Variants in ATXN1 observed in about 807,000 individuals in gnomAD.
ATXN1 encodes the protein ataxin-1.
ATXN1 carries 8 observed loss-of-function variants against 56.4 expected under a neutral mutation model. The ratio of observed to expected loss-of-function variants is 0.14; its 90% CI spans 0.08 to 0.26. The LOEUF (loss-of-function observed/expected upper bound fraction) is 0.26, where lower values mean the gene tolerates loss of function less well. ATXN1 is among the 10% of genes least tolerant of loss of function. The pLI is 1.00. For synonymous variants in ATXN1, 514 were observed against 494.6 expected, an observed-to-expected ratio of 1.04 and a Z score of -0.52; for missense variants, 987 against 1,106.5, an observed-to-expected ratio of 0.89 and a Z score of 1.53.
intron 6 of ATXN1, among the ~76,000 whole-genome samples, chr6:16,370,393 T>C (rs1196073782): frequency 3.9e-5 from 6 of 152,240 alleles, no homozygotes; most frequent in Non-Finnish European, 5.9e-5. Context: ...CTAAAATTGT[T>C]TGCAGTGTCG....
chr6:16,555,141 T>C (rs1479803764), intron 4 of ATXN1, among the ~76,000 whole-genome samples: 2 of 152,150 alleles, frequency 1.3e-5, no homozygotes, highest in Non-Finnish European at 2.9e-5. Flanking sequence ...TCCTGTTTAT[T>C]GTACATAATC....
chr6:16,398,253 C>G (rs533725269), intron 6 of ATXN1, among the ~76,000 whole-genome samples: 2 of 152,268 alleles, frequency 1.3e-5, no homozygotes, highest in East Asian at 3.9e-4. Context: ...GCTGCAACGT[C>G]TTAGATAAAT....
chr6:16,688,743 A>C (rs1027050597), intron 2 of ATXN1, among the ~76,000 whole-genome samples: 48 of 152,178 alleles, frequency 3.2e-4, no homozygotes, highest in Non-Finnish European at 8.8e-5. Context: ...ACTTATTTAC[A>C]ATTGGGGCTG....
In ATXN1 at chr6:16,313,232, T is replaced by C. The variant is rs530486875; in HGVS notation, c.1918-6373A>G. Among the ~76,000 whole-genome samples the C allele has an allele frequency of 1.9e-4, 29 of 152,280 alleles. 1 individual carries two copies. The highest frequency in any genetic ancestry group is 6.5e-4 in the African/African-American group (27 of 41,558). ...CATCATCTTCTCAATTTCTCTGGCT[T>C]TCCCAATAAACCTGCTTTTCCTCTC... On this transcript the variant is annotated intron_variant, in intron 7 of 7. Coordinates refer to ENST00000436367, the MANE Select transcript of ATXN1 (RefSeq NM_001128164.2).
intron 2 of ATXN1, among the ~76,000 whole-genome samples, chr6:16,675,558 G>A (rs1369531528): frequency 6.6e-6 from 1 of 152,096 alleles, no homozygotes; most frequent in Admixed American, 6.6e-5. Flanking sequence ...AGTTTTTTCA[G>A]GGAGAGGTGG....
chr6:16,653,792 T>G (rs2237165), intron 3 of ATXN1, among the ~76,000 whole-genome samples: 98,191 of 152,178 alleles, frequency 0.65, 33,398 homozygotes, highest in African/African-American at 0.88. Flanking sequence ...TGAAAAAGCT[T>G]GGCAACTGAA....
At chr6:16,517,769 C>T (rs559989442) in intron 5 of ATXN1, among the ~76,000 whole-genome samples, 1 of 152,170 alleles carries the variant, frequency 6.6e-6, no homozygotes, top group Non-Finnish European at 1.5e-5. Flanking sequence ...CACTCACCTA[C>T]ATGAGAGCAC....
At chr6:16,439,944 A>G (rs1168143959) in intron 6 of ATXN1, among the ~76,000 whole-genome samples, 2 of 151,678 alleles carry the variant, frequency 1.3e-5, no homozygotes, top group Non-Finnish European at 2.9e-5. Context: ...GTGTGATGGT[A>G]GGCACCTGTA....
chr6:16,745,005 C>T (rs1019946364), intron 2 of ATXN1, among the ~76,000 whole-genome samples: 2 of 152,172 alleles, frequency 1.3e-5, no homozygotes, highest in Non-Finnish European at 2.9e-5. Flanking sequence ...TCAAGACTTC[C>T]ATTTGCTAAT....
chr6:16,575,217 A>G (rs140739342), intron 4 of ATXN1, among the ~76,000 whole-genome samples: 339 of 150,732 alleles, frequency 2.2e-3, no homozygotes, highest in South Asian at 0.011. Flanking sequence ...AATTCTACGA[A>G]TTTCCTGTTT....
chr6:16,561,961 C>A (rs1486554025), intron 4 of ATXN1, among the ~76,000 whole-genome samples: 1 of 152,032 alleles, frequency 6.6e-6, no homozygotes, highest in African/African-American at 2.4e-5. Flanking sequence ...GTTATACACA[C>A]TTAGGCAGAA....
intron 4 of ATXN1, among the ~76,000 whole-genome samples, chr6:16,562,458 G>GAAAGGAAAGGAAAGGAA (rs1561756155): frequency 5.8e-5 from 3 of 51,800 alleles, no homozygotes; most frequent in Non-Finnish European, 1.7e-4. Context: ...AAGAAAAGGA[G>GAAAGGAAAGGAAAGGAA]AGGAGAGGAG....
chr6:16,564,265 G>A (rs1022891932), intron 4 of ATXN1, among the ~76,000 whole-genome samples: 3 of 152,026 alleles, frequency 2.0e-5, no homozygotes, highest in South Asian at 2.1e-4. Context: ...GAGTGAGATA[G>A]GTAAGAAGAG....
intron 6 of ATXN1, among the ~76,000 whole-genome samples, chr6:16,375,124 C>G (rs1284381010): frequency 6.6e-6 from 1 of 152,208 alleles, no homozygotes; most frequent in African/African-American, 2.4e-5. Flanking sequence ...TCTGCCCTCT[C>G]CCAGCAAAGA....
At chr6:16,460,399 G>C (rs1382553639) in intron 6 of ATXN1, among the ~76,000 whole-genome samples, 1 of 152,144 alleles carries the variant, frequency 6.6e-6, no homozygotes, top group African/African-American at 2.4e-5. Context: ...ACTGTTTACG[G>C]GTAGTTGTGG....
intron 6 of ATXN1, among the ~76,000 whole-genome samples, chr6:16,477,107 T>A (rs1266656989): frequency 6.6e-6 from 1 of 152,200 alleles, no homozygotes; most frequent in Non-Finnish European, 1.5e-5. Flanking sequence ...TCTCCCTTGT[T>A]CCCCATTTCC....
At chr6:16,609,831 T>C (rs1268738795) in intron 3 of ATXN1, among the ~76,000 whole-genome samples, 1 of 152,034 alleles carries the variant, frequency 6.6e-6, no homozygotes, top group African/African-American at 2.4e-5. Flanking sequence ...AGACAAGATG[T>C]GATTTGCACC....
At chr6:16,566,180 C>T (rs1762213104) in intron 4 of ATXN1, among the ~76,000 whole-genome samples, 1 of 152,144 alleles carries the variant, frequency 6.6e-6, no homozygotes. Flanking sequence ...TAAACTCCAA[C>T]TTGTCATAAA....
intron 2 of ATXN1, among the ~76,000 whole-genome samples, chr6:16,719,414 T>C (rs1431253251): frequency 1.3e-5 from 2 of 152,176 alleles, no homozygotes; most frequent in East Asian, 1.9e-4. Flanking sequence ...AGTGAAATAA[T>C]TATTGATTGG....
Sources: allele counts gnomAD v4.1 joint callset (sites outside exome capture counted in the v4.1 genomes callset), GRCh38; gene constraint gnomAD v4.1.1; transcripts MANE v1.5; gene names NCBI Gene and HGNC (gene_info 2026-07-23, HGNC 2026-07-21).